AFDN: variants seen among roughly 807,000 people sequenced by gnomAD.
AFDN encodes the protein afadin.
A neutral mutation model predicts 216.6 loss-of-function variants in AFDN; 68 were observed. The observed-to-expected ratio is 0.31, with a 90% confidence interval of 0.26 to 0.38. The LOEUF (loss-of-function observed/expected upper bound fraction) is 0.38. Among genes scored for constraint, AFDN ranks in the 10% least tolerant of loss-of-function variants. The probability of loss-of-function intolerance (pLI) is 1.00; values close to 1 mark genes in which losing one functional copy is unlikely to be tolerated. For missense variants in AFDN, 2,136 were observed against 2,342.0 expected, an observed-to-expected ratio of 0.91 and a Z score of 1.82; for synonymous variants, 868 against 853.7, an observed-to-expected ratio of 1.02 and a Z score of -0.29.
intron 1 of AFDN, among the ~76,000 whole-genome samples, chr6:167,849,714 A>G (rs954835334): frequency 6.6e-6 from 1 of 152,226 alleles, no homozygotes; most frequent in Admixed American, 6.5e-5. Flanking sequence ...ACAGGAGTTA[A>G]GAGTATTATT....
rs964769639 is a variant in AFDN at position 167,951,433 on chromosome 6, C to A, written c.4079C>A (p.Pro1360His). 3.1e-6 allele frequency: 5 copies of A among 1,614,024 alleles called. No individual in the cohort carries two copies. Among genetic ancestry groups the A allele is most frequent in the Admixed American group, 1.7e-5 (1 of 60,008 alleles). ...ACACCAGCAGCCATACCGGCCACCC[C>A]TGTGGCCGTCTCCCAGCCAATCCGA... ...WKTPAAIPAT[P>H]VAVSQPIRTD... The change falls in exon 30 of 34, where the codon CCT becomes CAT. Residue 1360 changes from proline (P) to histidine (H), a missense_variant. Coordinates refer to ENST00000683244, the MANE Select transcript of AFDN (RefSeq NM_001386888.1). The surrounding 1 kb of genome is among the most constrained non-coding windows in gnomAD (Gnocchi z 7.1).
intron 1 of AFDN, among the ~76,000 whole-genome samples, chr6:167,846,454 TAAAC>T (rs1340190171): frequency 1.3e-5 from 2 of 152,012 alleles, no homozygotes; most frequent in Admixed American, 6.6e-5. Context: ...TAAATGAACA[TAAAC>T]AAAACTCCCC....
intron 7 of AFDN, 88 bp from the exon 8 acceptor site, chr6:167,890,774 G>A: frequency 1.6e-6 from 2 of 1,289,236 alleles, no homozygotes; most frequent in Non-Finnish European, 2.2e-6. Flanking sequence ...GCATCTTTTT[G>A]AGAAAGTTTT....
intron 12 of AFDN, among the ~76,000 whole-genome samples, chr6:167,906,119 A>G (rs962273283): frequency 1.3e-5 from 2 of 152,142 alleles, no homozygotes; most frequent in African/African-American, 2.4e-5. Context: ...AAAAACCAAA[A>G]AACTCTTATG....
At chr6:167,846,687 A>G (rs1456541885) in intron 1 of AFDN, among the ~76,000 whole-genome samples, 1 of 148,962 alleles carries the variant, frequency 6.7e-6, no homozygotes, top group Non-Finnish European at 1.5e-5. Flanking sequence ...TGAAAAAAGT[A>G]TAATATTTAA....
rs201360618 is a variant in AFDN at position 167,915,339 on chromosome 6, C to A, written c.2471C>A (p.Ala824Glu). 2.5e-6 allele frequency: 4 copies of A among 1,614,076 alleles called. No homozygotes were observed. Among genetic ancestry groups the A allele is most frequent in the Non-Finnish European group, 8.5e-7 (1 of 1,180,044 alleles). Residue 824 changes from alanine (A) to glutamate (E), a missense_variant, in exon 19 of 34, where the codon GCG becomes GAG. Physicochemically the swap from Ala to Glu is moderately radical, Grantham distance 107. Around this residue, in one of 8 missense-constraint regions of AFDN, gnomAD observed 817 missense variants for 965.7 expected, o/e 0.85. Coordinates refer to ENST00000683244, the MANE Select transcript of AFDN (RefSeq NM_001386888.1). ...GGGCTGTGCTCCCATTACTGGGGTG[C>A]GATTATCCGTCAGCAGTTGGGCCAT... ...DSGLCSHYWG[A>E]IIRQQLGHIE...
intron 23 of AFDN, among the ~76,000 whole-genome samples, chr6:167,933,921 C>G (rs1411788275): frequency 6.6e-6 from 1 of 152,146 alleles, no homozygotes; most frequent in East Asian, 1.9e-4. Flanking sequence ...CAGGCTTGCC[C>G]CATCTCTCTC....
At chr6:167,827,371 T>A in intron 1 of AFDN, 134 bp downstream of exon 1, 1 of 31,108 alleles carries the variant, frequency 3.2e-5, no homozygotes, top group South Asian at 1.1e-3. Flanking sequence ...TTCTCTCCCC[T>A]CCCCCTCCCC....
chr6:167,828,514 G>A (rs1779465314), intron 1 of AFDN, among the ~76,000 whole-genome samples: 1 of 152,160 alleles, frequency 6.6e-6, no homozygotes, highest in African/African-American at 2.4e-5. Context: ...TTTGAGCATA[G>A]ATGTTATGTT....
At chr6:167,897,068 A>G (rs1033342353) in intron 10 of AFDN, 96 bp downstream of exon 10, 5 of 577,280 alleles carry the variant, frequency 8.7e-6, no homozygotes, top group Non-Finnish European at 1.2e-5. Flanking sequence ...AAGGAATTAT[A>G]ATTACCGACT....
intron 13 of AFDN, 115 bp from the exon 14 acceptor site, chr6:167,910,986 G>A (rs1029973797): frequency 2.3e-5 from 19 of 815,754 alleles, no homozygotes; most frequent in Admixed American, 4.9e-5. Context: ...ATTATTTTAC[G>A]TTGGAAAGAT....
Position 167,864,651 on chromosome 6 carries a change from A to G in AFDN, c.206A>G (p.Gln69Arg). 1 of 1,614,226 alleles carries G rather than the reference A, an allele frequency of 6.2e-7. No individual in the cohort carries two copies. The highest frequency in any genetic ancestry group is 8.5e-7 in the Non-Finnish European group (1 of 1,180,042). ...CIRVSSTATT[Q>R]DVIETLAEKF... ...CGGGTCTCTAGTACTGCCACCACTC[A>G]AGATGTAATCGAAACGCTCGCGGAG... Residue 69 changes from glutamine (Q) to arginine (R), a missense_variant, in exon 2 of 34, where the codon CAA (glutamine) becomes CGA (arginine). By Grantham distance (43) the Gln-to-Arg change is conservative. Around this residue, in one of 8 missense-constraint regions of AFDN, gnomAD observed 817 missense variants for 965.7 expected, o/e 0.85. Coordinates refer to ENST00000683244, the MANE Select transcript of AFDN (RefSeq NM_001386888.1).
intron 12 of AFDN, 96 bp from the exon 13 acceptor site, chr6:167,907,075 G>T: frequency 2.3e-6 from 2 of 861,058 alleles, no homozygotes; most frequent in South Asian, 1.6e-5. Flanking sequence ...TGCCCTGCTT[G>T]GCAGCCCTGT....
At chr6:167,922,433 G>A (rs1401516027) in intron 21 of AFDN, among the ~76,000 whole-genome samples, 1 of 152,142 alleles carries the variant, frequency 6.6e-6, no homozygotes, top group African/African-American at 2.4e-5. Flanking sequence ...AGAGTCTGAC[G>A]TGCTGGCAGA....
chr6:167,873,585 A>G (rs1038009213), intron 4 of AFDN, among the ~76,000 whole-genome samples: 2 of 152,212 alleles, frequency 1.3e-5, no homozygotes, highest in African/African-American at 4.8e-5. Flanking sequence ...GTTGGGTGAC[A>G]GGGTTCAGAT....
rs768232649 is a variant in AFDN at position 167,946,842 on chromosome 6, C to G, written c.3494C>G (p.Pro1165Arg). ...GAATATAGTGAACCAAAGAAATTGC[C>G]TGGTGATGACAGACTGATGAAAAAT... ...WAEYSEPKKL[P>R]GDDRLMKNRA... The change falls in exon 27 of 34, where the codon CCT (proline) becomes CGT (arginine). Residue 1165 changes from proline to arginine, a missense_variant. Pro to Arg is a moderately radical substitution (Grantham distance 103). This residue lies in a region of AFDN where 981 missense variants were observed against 966.0 expected (regional missense o/e 1.02). Coordinates refer to ENST00000683244, the MANE Select transcript of AFDN (RefSeq NM_001386888.1). 1.7e-5 allele frequency: 27 copies of G among 1,612,782 alleles called. No homozygotes were observed. Among genetic ancestry groups the G allele is most frequent in the Non-Finnish European group, 2.3e-5 (27 of 1,179,752 alleles).
intron 16 of AFDN, chr6:167,913,891 T>A: frequency 2.1e-6 from 1 of 476,548 alleles, no homozygotes; most frequent in Non-Finnish European, 3.7e-6. Flanking sequence ...TATTATTTGA[T>A]ATCTCCATTT....
chr6:167,912,382 T>C (rs1369512787), intron 15 of AFDN, among the ~76,000 whole-genome samples: 2 of 152,226 alleles, frequency 1.3e-5, no homozygotes, highest in Admixed American at 1.3e-4. Context: ...GATTGGTTGC[T>C]TTTCTCCTGG....
At chr6:167,898,143 TTC>T in intron 10 of AFDN, 60 bp from the exon 11 acceptor site, 1 of 1,574,120 alleles carries the variant, frequency 6.4e-7, no homozygotes, top group South Asian at 1.2e-5. Context: ...GGTTTTAACA[TTC>T]TGTGTTTAAA....
Sources: gnomAD v4.1 joint callset for allele counts (sites outside exome capture counted in the v4.1 genomes callset) on GRCh38, gnomAD v4.1.1 for gene constraint, gnomAD v4.1.1 regional missense constraint, Gnocchi (gnomAD v3.1) non-coding constraint, MANE v1.5 for transcripts, NCBI Gene and HGNC (gene_info 2026-07-23, HGNC 2026-07-21) for gene names.